Variants in ANAPC11 observed in about 807,000 individuals in gnomAD.
The protein encoded by ANAPC11 is anaphase promoting complex subunit 11, also known as anaphase-promoting complex subunit 11.
ANAPC11 carries 5 observed loss-of-function variants against 11.8 expected under a neutral mutation model. That is an observed-to-expected ratio of 0.42 (90% confidence interval 0.22 to 0.89). The LOEUF (loss-of-function observed/expected upper bound fraction) is 0.89. Among genes scored for constraint, ANAPC11 ranks in the 40% least tolerant of loss-of-function variants. The pLI is 0.28. For synonymous variants in ANAPC11, 45 were observed against 41.0 expected (o/e 1.10, Z -0.38); for missense variants, 68 against 112.9 (o/e 0.60, Z 1.80).
At chr17:81,891,569 G>T, upstream of ANAPC11, 1 of 1,436,952 alleles carries the variant, frequency 7.0e-7, no homozygotes, top group South Asian at 1.3e-5. Context: ...TGGCGGGCGC[G>T]GAATCGGGCA....
chr17:81,892,425 C>T (rs1037581379), intron 1 of ANAPC11, among the ~76,000 whole-genome samples: 6 of 151,746 alleles, frequency 4.0e-5, no homozygotes, highest in Admixed American at 6.6e-5. Context: ...GCCGTGGTGG[C>T]ACCACTGCAC....
intron 3 of ANAPC11, chr17:81,899,114 G>A (rs967647116): frequency 9.7e-6 from 10 of 1,028,130 alleles, no homozygotes; most frequent in Middle Eastern, 3.2e-4. Context: ...CCCTGCCGTG[G>A]GGCTGGGGCT....
upstream of ANAPC11, chr17:81,890,840 A>G (rs919890509): frequency 2.7e-5 from 44 of 1,613,608 alleles, no homozygotes; most frequent in Non-Finnish European, 3.6e-5. Flanking sequence ...AAACCGCAAC[A>G]AGAGCAGATC....
rs202012453 is a variant in ANAPC11 at position 81,899,560 on chromosome 17, T to A, written c.110-360T>A. ...GCCTGTAGGTCAGACATTGCCCTTT[T>A]TCCCCAGCCTCAAGCACAGGGGACA... On this transcript the variant is annotated intron_variant, in intron 3 of 3. Coordinates refer to ENST00000344877, the MANE Select transcript of ANAPC11 (RefSeq NM_001002248.3). The A allele has an allele frequency of 2.5e-6, 4 of 1,607,328 alleles. No individual in the cohort carries two copies. In the East Asian group the frequency reaches 8.9e-5, roughly 36 times the overall value.
intron 3 of ANAPC11, chr17:81,898,531 T>C (rs577093795): frequency 6.6e-6 from 1 of 152,264 alleles, no homozygotes; most frequent in Non-Finnish European, 1.5e-5. Context: ...TAAGTCATAG[T>C]GAGTCAGTGT....
At chr17:81,899,675 G>C (rs2039872659) in intron 3 of ANAPC11, 1 of 1,156,560 alleles carries the variant, frequency 8.6e-7, no homozygotes, top group Non-Finnish European at 1.2e-6. Flanking sequence ...GGAGGCGCCT[G>C]CTGCGGTTGC....
In ANAPC11 at chr17:81,900,174, G is replaced by T; in HGVS notation, c.*109G>T. On this transcript the variant is annotated 3_prime_UTR_variant, in exon 4 of 4. Transcript: ENST00000344877. ...GAGCTGCAACAAGGTGGAAACAAGG[G>T]CTGGAGCTGCGTTTGTTTTGCCATC... The T allele has an allele frequency of 6.7e-7, 1 of 1,502,848 alleles. No individual in the cohort carries two copies. The highest frequency in any genetic ancestry group is 2.4e-5 in the East Asian group (1 of 41,872). The allele number at this position is 1,502,848 out of a possible 1,614,324, so 93.1% of individuals were successfully genotyped here. A position where few individuals can be genotyped will look rare whatever the true frequency, so the allele number is the denominator to read the frequency against.
In ANAPC11 at chr17:81,891,774, C is replaced by G. The variant is rs1412575082; in HGVS notation, c.-142C>G. On this transcript the variant is annotated 5_prime_UTR_variant, in exon 1 of 4. Transcript: ENST00000344877. ...GGGCGCTGTTGAGGGAGTCGGGCCG[C>G]GACTGTGGTCGTTTTTATACCTTCC... 6.1e-6 allele frequency: 2 copies of G among 328,768 alleles called. No homozygotes were observed. Among genetic ancestry groups the G allele is most frequent in the Non-Finnish European group, 1.0e-5 (2 of 192,716 alleles). 20.4% of individuals were successfully genotyped at this position (328,768 alleles called of 1,614,324 possible). A position where few individuals can be genotyped will look rare whatever the true frequency, so the allele number is the denominator to read the frequency against.
At chr17:81,898,936 A>C in intron 3 of ANAPC11, 3 of 426,694 alleles carry the variant, frequency 7.0e-6, no homozygotes, top group Non-Finnish European at 4.3e-6. Flanking sequence ...TCAGGGGGCT[A>C]GCAGGCTTCA....
intron 3 of ANAPC11, chr17:81,899,582 G>C: frequency 6.3e-7 from 1 of 1,592,182 alleles, no homozygotes; most frequent in Non-Finnish European, 8.6e-7. Flanking sequence ...AAGCACAGGG[G>C]ACACAGGGTG....
rs532075717 is a variant in ANAPC11 at position 81,891,812 on chromosome 17, G to C, written c.-104G>C. The stretch of plus-strand genomic sequence containing the variant: ...TTTTATACCTTCCCGCGCGGACGCC[G>C]GCGCTGCCAACGGAAGGGCGGGTAG... On this transcript the variant is annotated 5_prime_UTR_variant, in exon 1 of 4. Coordinates refer to ENST00000344877, the MANE Select transcript of ANAPC11 (RefSeq NM_001002248.3). The C allele has an allele frequency of 8.4e-6, 2 of 238,324 alleles. No individual in the cohort carries two copies. The highest frequency in any genetic ancestry group is 6.0e-5 in the South Asian group (1 of 16,658). The allele number at this position is 238,324 out of a possible 1,614,324, so 14.8% of individuals were successfully genotyped here.
chr17:81,892,362 G>C (rs1434116921), intron 1 of ANAPC11, among the ~76,000 whole-genome samples: 1 of 151,736 alleles, frequency 6.6e-6, no homozygotes, highest in Non-Finnish European at 1.5e-5. Context: ...CCAGCTACTT[G>C]GGAGGCCGAG....
intron 3 of ANAPC11, 126 bp downstream of exon 3, chr17:81,894,712 T>TTTA: frequency 4.2e-6 from 2 of 476,244 alleles, no homozygotes; most frequent in South Asian, 4.8e-5. Flanking sequence ...CCAGTTTCAT[T>TTTA]TTCTTTTTTT....
chr17:81,898,942 C>T lies in ANAPC11; in HGVS notation c.110-978C>T, dbSNP rs1164648446. Reference sequence around the variant, plus strand: ...CCCCTCTCCTCAGGGGGCTAGCAGGCTTCAGCTCTCATTTGAAAGGGCCGA... The same window carrying T: ...CCCCTCTCCTCAGGGGGCTAGCAGGTTTCAGCTCTCATTTGAAAGGGCCGA... On this transcript the variant is annotated intron_variant, in intron 3 of 3. Transcript: ENST00000344877. 2.4e-5 allele frequency: 11 copies of T among 461,576 alleles called. 1 individual carries two copies. The Admixed American group carries it at 3.0e-4, about 13-fold the overall frequency. 28.6% of individuals were successfully genotyped at this position (461,576 alleles called of 1,614,324 possible).
chr17:81,893,384 G>A lies in ANAPC11; in HGVS notation c.-74-168G>A, dbSNP rs531792562. 6.6e-5 allele frequency among the ~76,000 whole-genome samples: 10 copies of A among 151,762 alleles called. No individual in the cohort carries two copies. In the East Asian group the frequency reaches 1.5e-3, roughly 23 times the overall value. Reference sequence around the variant, plus strand: ...TGGGATTACAGGCGTGAGCCACTACGCCTGGCCTCTAATTTTTGTTTTTTT... The same window carrying A: ...TGGGATTACAGGCGTGAGCCACTACACCTGGCCTCTAATTTTTGTTTTTTT... On this transcript the variant is annotated intron_variant, in intron 1 of 3. Transcript: ENST00000344877.
At chr17:81,890,971 C>T, upstream of ANAPC11, 2 of 1,231,412 alleles carry the variant, frequency 1.6e-6, no homozygotes, top group Non-Finnish European at 2.2e-6. Flanking sequence ...CTGCAGCTGC[C>T]CCAGCCCGAG....
chr17:81,891,483 C>G, upstream of ANAPC11: 1 of 1,219,744 alleles, frequency 8.2e-7, no homozygotes, highest in Admixed American at 3.1e-5. Flanking sequence ...GCGGCCCCGG[C>G]CCCCGCCCCG....
intron 3 of ANAPC11, among the ~76,000 whole-genome samples, chr17:81,896,891 C>T (rs1483268628): frequency 6.7e-6 from 1 of 149,692 alleles, no homozygotes; most frequent in African/African-American, 2.5e-5. Flanking sequence ...CAGCTCACCG[C>T]AACCCCCACC....
chr17:81,896,674 A>G (rs541909309), intron 3 of ANAPC11, among the ~76,000 whole-genome samples: 146 of 151,998 alleles, frequency 9.6e-4, no homozygotes, highest in Non-Finnish European at 1.5e-3. Flanking sequence ...GGCCAGGTGC[A>G]TGCCCATATT....
Sources: gnomAD v4.1 joint callset for allele counts (sites outside exome capture counted in the v4.1 genomes callset) on GRCh38, gnomAD v4.1.1 for gene constraint, MANE v1.5 for transcripts, NCBI Gene and HGNC (gene_info 2026-07-23, HGNC 2026-07-21) for gene names.